Variants in EPHA6 observed in about 807,000 individuals in gnomAD.
EPHA6 encodes the protein EPH receptor A6.
EPHA6 carries 50 observed loss-of-function variants against 112.0 expected under a neutral mutation model. The ratio of observed to expected loss-of-function variants is 0.45; its 90% CI spans 0.36 to 0.56. The LOEUF is 0.56. EPHA6 is among the 20% of genes least tolerant of loss of function. EPHA6 has a pLI of 0.00. For synonymous variants in EPHA6, 529 were observed against 490.7 expected (o/e 1.08, Z -1.03); for missense variants, 1,280 against 1,417.4 (o/e 0.90, Z 1.56).
chr3:97,202,617 A>G (rs529900280), intron 3 of EPHA6, among the ~76,000 whole-genome samples: 2 of 152,218 alleles, frequency 1.3e-5, no homozygotes, highest in South Asian at 4.1e-4. Flanking sequence ...TACAGGCGTA[A>G]GCCACCGTGC....
chr3:97,176,810 C>A (rs1284263064), intron 3 of EPHA6, among the ~76,000 whole-genome samples: 2 of 151,358 alleles, frequency 1.3e-5, no homozygotes, highest in East Asian at 3.9e-4. Context: ...AAAGGTTTGT[C>A]AATTTTGTTT....
chr3:96,854,147 A>G (rs2035555161), intron 1 of EPHA6, among the ~76,000 whole-genome samples: 1 of 150,960 alleles, frequency 6.6e-6, no homozygotes, highest in Middle Eastern at 3.5e-3. Flanking sequence ...AAAAAAAGAT[A>G]TATAGAATAC....
chr3:96,919,862 C>A (rs2039673831), intron 2 of EPHA6, among the ~76,000 whole-genome samples: 1 of 151,722 alleles, frequency 6.6e-6, no homozygotes, highest in Admixed American at 6.6e-5. Context: ...GCATAAAAGT[C>A]ATAGTACATT....
intron 5 of EPHA6, among the ~76,000 whole-genome samples, chr3:97,268,350 T>C (rs545764824): frequency 6.6e-6 from 1 of 152,238 alleles, no homozygotes; most frequent in South Asian, 2.1e-4. Flanking sequence ...GGATAAAAGG[T>C]CAACAGAAAA....
intron 2 of EPHA6, among the ~76,000 whole-genome samples, chr3:96,986,091 T>C (rs1280345869): frequency 6.6e-6 from 1 of 152,194 alleles, no homozygotes; most frequent in Non-Finnish European, 1.5e-5. Flanking sequence ...CTGAATGTTT[T>C]TCTTGTATTG....
intron 5 of EPHA6, among the ~76,000 whole-genome samples, chr3:97,329,679 G>C (rs901234815): frequency 6.6e-6 from 1 of 152,048 alleles, no homozygotes; most frequent in South Asian, 2.1e-4. Context: ...TTTTTTTCTT[G>C]TAAATTTGTT....
At chr3:96,942,272 G>T (rs1390863045) in intron 2 of EPHA6, among the ~76,000 whole-genome samples, 6 of 152,164 alleles carry the variant, frequency 3.9e-5, no homozygotes, top group Non-Finnish European at 8.8e-5. Flanking sequence ...CCCAGTTCCA[G>T]CTTCCCAGCT....
intron 3 of EPHA6, among the ~76,000 whole-genome samples, chr3:97,059,659 T>A (rs896160999): frequency 6.7e-6 from 1 of 150,366 alleles, no homozygotes; most frequent in East Asian, 1.9e-4. Flanking sequence ...TATTCCTGAT[T>A]TATTTTATTC....
intron 5 of EPHA6, among the ~76,000 whole-genome samples, chr3:97,346,389 AG>A (rs1189437580): frequency 9.8e-5 from 15 of 152,310 alleles, no homozygotes; most frequent in African/African-American, 3.6e-4. Flanking sequence ...AAAAAGAAAC[AG>A]ATATAATAAA....
intron 11 of EPHA6, among the ~76,000 whole-genome samples, chr3:97,556,895 A>G (rs971530756): frequency 2.6e-5 from 4 of 152,104 alleles, no homozygotes; most frequent in Non-Finnish European, 5.9e-5. Context: ...TAAAAATTAA[A>G]TAATGGATAT....
At chr3:97,231,776 C>T (rs1254433464) in intron 4 of EPHA6, among the ~76,000 whole-genome samples, 1 of 152,136 alleles carries the variant, frequency 6.6e-6, no homozygotes, top group East Asian at 1.9e-4. Context: ...CAGGTAATCC[C>T]TAGGAGCTGC....
chr3:97,603,779 C>G (rs977700229), intron 12 of EPHA6, among the ~76,000 whole-genome samples: 9 of 151,884 alleles, frequency 5.9e-5, no homozygotes, highest in Non-Finnish European at 1.3e-4. Flanking sequence ...TTGTTTTACT[C>G]TACCCTAAGA....
chr3:97,495,266 A>G (rs559795939), intron 10 of EPHA6, among the ~76,000 whole-genome samples: 26 of 151,110 alleles, frequency 1.7e-4, no homozygotes, highest in African/African-American at 5.8e-4. Context: ...TGTAAATCAT[A>G]TATATAAATA....
At chr3:96,879,144 A>G (rs2107502263) in intron 2 of EPHA6, among the ~76,000 whole-genome samples, 1 of 152,188 alleles carries the variant, frequency 6.6e-6, no homozygotes, top group East Asian at 1.9e-4. Context: ...AGAAGATAAA[A>G]CACTTCAGAG....
intron 15 of EPHA6, among the ~76,000 whole-genome samples, chr3:97,727,296 T>A (rs1358680568): frequency 6.6e-6 from 1 of 152,118 alleles, no homozygotes; most frequent in Non-Finnish European, 1.5e-5. Context: ...ATGGAGTTTA[T>A]CATTAGAATT....
At chr3:97,330,890 G>A (rs1025935836) in intron 5 of EPHA6, among the ~76,000 whole-genome samples, 1 of 152,116 alleles carries the variant, frequency 6.6e-6, no homozygotes, top group Non-Finnish European at 1.5e-5. Context: ...TCTGCACCAA[G>A]TGGACCTAAT....
chr3:97,147,809 G>A (rs1045001960), intron 3 of EPHA6, among the ~76,000 whole-genome samples: 14 of 152,040 alleles, frequency 9.2e-5, no homozygotes, highest in African/African-American at 3.1e-4. Context: ...GACTCGGGGT[G>A]ATAACAACTA....
At chr3:97,060,386 A>C (rs1322741701) in intron 3 of EPHA6, among the ~76,000 whole-genome samples, 1 of 152,216 alleles carries the variant, frequency 6.6e-6, no homozygotes, top group Non-Finnish European at 1.5e-5. Context: ...CAGAATAAAA[A>C]GTAATTTCAT....
intron 16 of EPHA6, among the ~76,000 whole-genome samples, chr3:97,736,864 A>T (rs147357985): frequency 9.3e-4 from 141 of 152,190 alleles, no homozygotes; most frequent in African/African-American, 3.3e-3. Flanking sequence ...CTTTATTTAG[A>T]AAAAGTTGGA....
Sources: gnomAD v4.1 joint callset for allele counts (sites outside exome capture counted in the v4.1 genomes callset) on GRCh38, gnomAD v4.1.1 for gene constraint, MANE v1.5 for transcripts, NCBI Gene and HGNC (gene_info 2026-07-23, HGNC 2026-07-21) for gene names.